ZRANB3: variants seen among roughly 807,000 people sequenced by gnomAD.
ZRANB3 encodes zinc finger RANBP2-type containing 3, also known as DNA annealing helicase and endonuclease ZRANB3.
In ZRANB3, 125 loss-of-function variants were observed where a neutral mutation model predicts 133.8. That is an observed-to-expected ratio of 0.93 (90% CI 0.81 to 1.08). ZRANB3 has a LOEUF of 1.08. Ranked by LOEUF, ZRANB3 falls within the 50% of genes least tolerant of loss-of-function variation. The pLI, the probability that ZRANB3 is intolerant of heterozygous loss-of-function variation, is 0.00. For missense variants in ZRANB3, 1,229 were observed against 1,275.5 expected (o/e 0.96, Z 0.56); for synonymous variants, 387 against 432.7 (o/e 0.89, Z 1.31).
chr2:135,321,209 T>C (rs931599867), intron 6 of ZRANB3, among the ~76,000 whole-genome samples: 1 of 152,232 alleles, frequency 6.6e-6, no homozygotes, highest in African/African-American at 2.4e-5. Context: ...TGCCATAATG[T>C]TTCCAAAGTG....
In ZRANB3 at chr2:135,219,424, C is replaced by T. The variant is rs539259932; in HGVS notation, c.2251-246G>A. Among the ~76,000 whole-genome samples, 5 of 152,314 alleles carry T rather than the reference C, an allele frequency of 3.3e-5. No homozygotes were observed. In the South Asian group the frequency reaches 1.0e-3, roughly 32 times the overall value. On this transcript the variant is annotated intron_variant, in intron 15 of 20. Coordinates refer to ENST00000264159, the MANE Select transcript of ZRANB3 (RefSeq NM_032143.4). ...CCCATGCCTAGCCCAAGGCTATTGCCTTCAGCCTGGAATCCTTTGTTTACT... is the reference window on the plus strand; with the variant it reads ...CCCATGCCTAGCCCAAGGCTATTGCTTTCAGCCTGGAATCCTTTGTTTACT...
chr2:135,235,647 A>G (rs1156753575), intron 12 of ZRANB3, among the ~76,000 whole-genome samples: 4 of 151,010 alleles, frequency 2.6e-5, no homozygotes. Context: ...GAAAATCAAT[A>G]AACGTAATCC....
intron 8 of ZRANB3, among the ~76,000 whole-genome samples, chr2:135,296,448 T>C (rs1366102331): frequency 1.3e-5 from 2 of 152,238 alleles, no homozygotes; most frequent in African/African-American, 4.8e-5. Context: ...TAAGTACTTT[T>C]GTGCATTGGT....
chr2:135,218,515 TAA>T (rs58163177), intron 16 of ZRANB3, among the ~76,000 whole-genome samples: 3 of 144,618 alleles, frequency 2.1e-5, no homozygotes, highest in Admixed American at 6.9e-5. Context: ...ACTCAAATGG[TAA>T]AAAAAAAAAA....
At chr2:135,275,388 A>G (rs149811045) in intron 9 of ZRANB3, among the ~76,000 whole-genome samples, 3,864 of 146,094 alleles carry the variant, frequency 0.026, 73 homozygotes, top group Admixed American at 0.041. Context: ...GCATGGCAGC[A>G]TATCTTTAAT....
intron 12 of ZRANB3, among the ~76,000 whole-genome samples, chr2:135,261,442 TAC>T (rs984705752): frequency 6.6e-6 from 1 of 151,986 alleles, no homozygotes; most frequent in African/African-American, 2.4e-5. Context: ...AATAAGCAAA[TAC>T]CAACAAAGCA....
chr2:135,424,935 A>G (rs986557740), intron 2 of ZRANB3, among the ~76,000 whole-genome samples: 1 of 152,178 alleles, frequency 6.6e-6, no homozygotes, highest in Non-Finnish European at 1.5e-5. Flanking sequence ...CCAATTATAC[A>G]AAAGACTGCA....
chr2:135,501,511 A>G (rs1692943938), intron 2 of ZRANB3, among the ~76,000 whole-genome samples: 1 of 152,190 alleles, frequency 6.6e-6, no homozygotes, highest in Non-Finnish European at 1.5e-5. Context: ...CATTAATCCA[A>G]TAACACCATC....
At chr2:135,254,683 T>C (rs1679565817) in intron 12 of ZRANB3, among the ~76,000 whole-genome samples, 1 of 152,144 alleles carries the variant, frequency 6.6e-6, no homozygotes, top group South Asian at 2.1e-4. Flanking sequence ...CCTTTTATAG[T>C]GTCCAATTCA....
intron 12 of ZRANB3, among the ~76,000 whole-genome samples, chr2:135,244,253 A>T (rs1275941667): frequency 6.6e-6 from 1 of 152,172 alleles, no homozygotes; most frequent in Non-Finnish European, 1.5e-5. Flanking sequence ...AGATCACTTG[A>T]TCTGGCCAAA....
In ZRANB3 at chr2:135,491,152, C is replaced by G. The variant is rs150992202; in HGVS notation, c.161+13177G>C. 4.2e-3 allele frequency among the ~76,000 whole-genome samples: 643 copies of G among 152,100 alleles called. 4 individuals carry two copies. Among genetic ancestry groups the G allele is most frequent in the African/African-American group, 0.014 (580 of 41,472 alleles). ...TCAACCAAAGGACACCGTACAGAAACAAAAGGGACCGAGGGAAGCAATGAA... is the reference window on the plus strand; with the variant it reads ...TCAACCAAAGGACACCGTACAGAAAGAAAAGGGACCGAGGGAAGCAATGAA... On this transcript the variant is annotated intron_variant, in intron 2 of 20. Transcript: ENST00000264159.
intron 1 of ZRANB3, among the ~76,000 whole-genome samples, chr2:135,520,413 CTT>C (rs75698016): frequency 0.031 from 4,144 of 133,728 alleles, 173 homozygotes; most frequent in African/African-American, 0.1. Context: ...AAAAGGATTT[CTT>C]TTTTTTTTTT....
At chr2:135,297,390 A>G (rs552212744) in intron 8 of ZRANB3, among the ~76,000 whole-genome samples, 1 of 152,288 alleles carries the variant, frequency 6.6e-6, no homozygotes, top group East Asian at 1.9e-4. Context: ...TGCGGGATAT[A>G]ATCTCCTAGT....
At chr2:135,306,170 T>C (rs551327199) in intron 8 of ZRANB3, among the ~76,000 whole-genome samples, 26 of 152,330 alleles carry the variant, frequency 1.7e-4, no homozygotes, top group Admixed American at 1.2e-3. Context: ...ATATTTTTTC[T>C]ATGCCTTTGC....
At chr2:135,417,840 C>T (rs1455480278) in intron 2 of ZRANB3, among the ~76,000 whole-genome samples, 2 of 152,138 alleles carry the variant, frequency 1.3e-5, no homozygotes, top group African/African-American at 2.4e-5. Flanking sequence ...AATCATCACT[C>T]TCAGTAAACT....
intron 6 of ZRANB3, among the ~76,000 whole-genome samples, chr2:135,331,931 C>G (rs1224025291): frequency 6.6e-6 from 1 of 151,896 alleles, no homozygotes; most frequent in Non-Finnish European, 1.5e-5. Flanking sequence ...GTATGAATAA[C>G]TTTCCAAAAT....
intron 3 of ZRANB3, among the ~76,000 whole-genome samples, chr2:135,363,100 T>C (rs1558944343): frequency 1.3e-5 from 2 of 152,220 alleles, no homozygotes; most frequent in Non-Finnish European, 2.9e-5. Flanking sequence ...TGTTCTACAC[T>C]TCAAAAGTAG....
chr2:135,345,316 A>G lies in ZRANB3; in HGVS notation c.677+234T>C, dbSNP rs1684864612. On this transcript the variant is annotated intron_variant, in intron 6 of 20. Coordinates refer to ENST00000264159, the MANE Select transcript of ZRANB3 (RefSeq NM_032143.4). ...CCCCATCTCTATTAAAAATACAAAA[A>G]AATTAGCCGGGCATGGTGGCGCATG... 4 of 334,418 alleles carry G rather than the reference A, an allele frequency of 1.2e-5. No individual in the cohort carries two copies. In the South Asian group the frequency reaches 2.1e-4, roughly 18 times the overall value. The allele number at this position is 334,418 out of a possible 1,614,324, so 20.7% of individuals were successfully genotyped here. A position where few individuals can be genotyped will look rare whatever the true frequency, so the allele number is the denominator to read the frequency against.
intron 2 of ZRANB3, among the ~76,000 whole-genome samples, chr2:135,421,783 T>C (rs991671152): frequency 4.6e-5 from 7 of 152,128 alleles, no homozygotes; most frequent in Non-Finnish European, 7.4e-5. Flanking sequence ...TTTTGCAACA[T>C]CTTTGTGGTA....
Sources: allele counts gnomAD v4.1 joint callset (sites outside exome capture counted in the v4.1 genomes callset), GRCh38; gene constraint gnomAD v4.1.1; transcripts MANE v1.5; gene names NCBI Gene and HGNC (gene_info 2026-07-23, HGNC 2026-07-21).